ACOT9: variants seen among roughly 807,000 people sequenced by gnomAD.
ACOT9 encodes acyl-coenzyme A thioesterase 9, mitochondrial.
Under a neutral mutation model 39.7 loss-of-function variants are expected in ACOT9, and 34 were observed. The observed-to-expected ratio is 0.86, with a 90% CI of 0.65 to 1.14. The LOEUF (loss-of-function observed/expected upper bound fraction) is 1.14. Among genes scored for constraint, ACOT9 ranks in the 50% most tolerant of loss-of-function variants. The probability of loss-of-function intolerance (pLI) is 0.00; values close to 1 mark genes in which losing one functional copy is unlikely to be tolerated. For missense variants in ACOT9, 313 were observed against 344.1 expected, an observed-to-expected ratio of 0.91 and a Z score of 0.71; for synonymous variants, 110 against 120.5, an observed-to-expected ratio of 0.91 and a Z score of 0.57.
At chrX:23,722,465 G>A (rs1929351862) in intron 7 of ACOT9, among the ~76,000 whole-genome samples, 1 of 110,069 alleles carries the variant, frequency 9.1e-6, no homozygotes, top group African/African-American at 3.3e-5. Context: ...TCGGGAGGCT[G>A]AGGCAGGAGA....
Position 23,703,184 on chromosome X carries a change from G to A in ACOT9, c.*710C>T, listed in dbSNP as rs1365397529. ...AGAGGGAAGCAAAGGAATCATGTAC[G>A]GCTGATGGGATTTAGACAGCACAGA... On this transcript the variant is annotated 3_prime_UTR_variant, in exon 16 of 16. Transcript: ENST00000379303. The A allele has an allele frequency of 2.7e-5, 3 of 111,893 alleles. No individual in the cohort carries two copies. In the East Asian group the frequency reaches 8.3e-4, roughly 31 times the overall value. 9.2% of individuals were successfully genotyped at this position (111,893 alleles called of 1,213,427 possible).
chrX:23,725,335 G>A (rs1929473256), intron 6 of ACOT9, among the ~76,000 whole-genome samples: 1 of 108,164 alleles, frequency 9.2e-6, no homozygotes, highest in Non-Finnish European at 1.9e-5. Context: ...GCTGGGCGTT[G>A]TGGTAGATGC....
At chrX:23,714,957 A>G (rs1929026829) in intron 8 of ACOT9, among the ~76,000 whole-genome samples, 1 of 111,558 alleles carries the variant, frequency 9.0e-6, no homozygotes, top group Non-Finnish European at 1.9e-5. Flanking sequence ...TACTTCCAGG[A>G]AAGTCATACC....
At chrX:23,730,385 G>A (rs753194724) in intron 6 of ACOT9, 142 bp downstream of exon 6, 9 of 471,822 alleles carry the variant, frequency 1.9e-5, no homozygotes, top group East Asian at 4.0e-5. Context: ...GAGCCACCAC[G>A]CCCGGCCGAT....
intron 11 of ACOT9, 26 bp from the exon 12 acceptor site, chrX:23,705,884 C>T: frequency 9.4e-7 from 1 of 1,062,391 alleles, no homozygotes; most frequent in South Asian, 1.9e-5. Flanking sequence ...TTTATTAAAC[C>T]CTGTTAATGC....
chrX:23,701,093 T>C lies in ACOT9; in HGVS notation c.*2801A>G, dbSNP rs1928471994. Among the ~76,000 whole-genome samples the C allele has an allele frequency of 8.9e-6, 1 of 112,052 alleles. No individual in the cohort carries two copies. Among genetic ancestry groups the C allele is most frequent in the Admixed American group, 9.6e-5 (1 of 10,463 alleles). On this transcript the variant is annotated 3_prime_UTR_variant, in exon 16 of 16. Coordinates refer to ENST00000379303, the MANE Select transcript of ACOT9 (RefSeq NM_001037171.2). ...AGGATATTTACTGCAACATTGTTTA[T>C]AATAGCAAAAAAGAAATACTAGAAA...
At chrX:23,725,506 T>G (rs1327610359) in intron 6 of ACOT9, among the ~76,000 whole-genome samples, 1 of 102,422 alleles carries the variant, frequency 9.8e-6, no homozygotes, top group Non-Finnish European at 2.0e-5. Flanking sequence ...GATGGTAAAT[T>G]TTATATTTTA....
chrX:23,723,722 T>C (rs924168518), intron 6 of ACOT9, among the ~76,000 whole-genome samples: 1 of 110,860 alleles, frequency 9.0e-6, no homozygotes, highest in African/African-American at 3.3e-5. Flanking sequence ...CAATAAATAC[T>C]TGTTGAGTAA....
intron 8 of ACOT9, among the ~76,000 whole-genome samples, chrX:23,721,356 G>A (rs751026134): frequency 3.6e-5 from 4 of 111,649 alleles, no homozygotes; most frequent in Admixed American, 9.6e-5. Context: ...GCCTCCCAAC[G>A]TGGTGGGATT....
At chrX:23,710,629 G>A (rs73626549) in intron 9 of ACOT9, among the ~76,000 whole-genome samples, 2,080 of 111,681 alleles carry the variant, frequency 0.019, 51 homozygotes, top group African/African-American at 0.064. Context: ...CGAGGTGAGA[G>A]GATCACTTGA....
rs1381349492 is a variant in ACOT9 at position 23,703,868 on chromosome X, G to A, written c.*26C>T. 8.7e-7 allele frequency: 1 copy of A among 1,155,745 alleles called. No individual in the cohort carries two copies. Among genetic ancestry groups the A allele is most frequent in the Non-Finnish European group, 1.2e-6 (1 of 847,266 alleles). ...GATACCACGTCACTGTGGGTAGAGTGCTAGTTTTCAACAAATGTGGTGTTC... is the reference window on the plus strand; with the variant it reads ...GATACCACGTCACTGTGGGTAGAGTACTAGTTTTCAACAAATGTGGTGTTC... On this transcript the variant is annotated 3_prime_UTR_variant, in exon 16 of 16. Transcript: ENST00000379303.
At chrX:23,734,264 CA>C in intron 3 of ACOT9, 76 bp downstream of exon 3, 1 of 901,470 alleles carries the variant, frequency 1.1e-6, no homozygotes, top group Non-Finnish European at 1.5e-6. Flanking sequence ...TGCCACTGCC[CA>C]AAAGTGCAAG....
chrX:23,731,161 G>A (rs1929726889), intron 4 of ACOT9, among the ~76,000 whole-genome samples, 175 bp from the exon 5 acceptor site: 1 of 111,723 alleles, frequency 9.0e-6, no homozygotes, highest in Admixed American at 9.6e-5. Context: ...GATCATTTCC[G>A]GTATCATTTC....
intron 8 of ACOT9, among the ~76,000 whole-genome samples, chrX:23,717,541 G>A (rs778873972): frequency 9.0e-6 from 1 of 111,514 alleles, no homozygotes; most frequent in South Asian, 3.7e-4. Context: ...ATTCTGGTGA[G>A]TTGCTGTGGG....
At chrX:23,733,261 T>G in intron 3 of ACOT9, 44 bp from the exon 4 acceptor site, 1 of 1,120,291 alleles carries the variant, frequency 8.9e-7, no homozygotes, top group Non-Finnish European at 1.2e-6. Flanking sequence ...CAAAGAAATA[T>G]GAGAAACGGA....
intron 2 of ACOT9, among the ~76,000 whole-genome samples, chrX:23,735,094 G>A (rs1220294534): frequency 9.5e-6 from 1 of 105,371 alleles, no homozygotes; most frequent in African/African-American, 3.5e-5. Flanking sequence ...CCAACGTGGC[G>A]AAACTCCATC....
At position 23,702,854 on chromosome X, in the gene ACOT9, G is replaced by A. The variant is rs779558666; in HGVS notation, c.*1040C>T. 1.1e-4 allele frequency: 12 copies of A among 112,165 alleles called. No individual in the cohort carries two copies. The highest frequency in any genetic ancestry group is 2.1e-4 in the Non-Finnish European group (11 of 53,245). The allele number at this position is 112,165 out of a possible 1,213,427, so 9.2% of individuals were successfully genotyped here. On this transcript the variant is annotated 3_prime_UTR_variant, in exon 16 of 16. Coordinates refer to ENST00000379303, the MANE Select transcript of ACOT9 (RefSeq NM_001037171.2). ...GAGCTCAGACCTGCCAAGGGCTGAG[G>A]ATGGTGCCTATCTAGCACATGGCAA...
At chrX:23,709,834 G>A (rs1349714212) in intron 9 of ACOT9, among the ~76,000 whole-genome samples, 10 of 111,954 alleles carry the variant, frequency 8.9e-5, no homozygotes, top group Non-Finnish European at 1.3e-4. Flanking sequence ...AAAAGATGAC[G>A]TAAAGTAAGT....
chrX:23,742,209 T>TGAGAGAGAGAGAGCGAGAGAGAGAGA (rs760648597), intron 1 of ACOT9, among the ~76,000 whole-genome samples: 1 of 56,294 alleles, frequency 1.8e-5, no homozygotes, highest in Non-Finnish European at 2.9e-5. Context: ...GAACAGTGAG[T>TGAGAGAGAGAGAGCGAGAGAGAGAGA]GAGTGAGAGA....
Sources: allele counts gnomAD v4.1 joint callset (sites outside exome capture counted in the v4.1 genomes callset), GRCh38; gene constraint gnomAD v4.1.1; transcripts MANE v1.5; gene names NCBI Gene and HGNC (gene_info 2026-07-23, HGNC 2026-07-21).